Variants in CCDC39 observed in about 807,000 individuals in gnomAD.
CCDC39 encodes coiled-coil domain 39 molecular ruler complex subunit, also known as coiled-coil domain-containing protein 39.
A neutral mutation model predicts 121.0 loss-of-function variants in CCDC39; 113 were observed. The observed-to-expected ratio is 0.93, with a 90% CI of 0.80 to 1.09. The LOEUF (loss-of-function observed/expected upper bound fraction) is 1.09. Ranked by LOEUF, CCDC39 falls within the 50% of genes least tolerant of loss-of-function variation. The pLI is 0.00. For synonymous variants in CCDC39, 349 were observed against 352.2 expected, an observed-to-expected ratio of 0.99 and a Z score of 0.10; for missense variants, 1,063 against 1,074.7, an observed-to-expected ratio of 0.99 and a Z score of 0.15.
At chr3:180,670,373 C>G (rs1292907824) in intron 1 of CCDC39, among the ~76,000 whole-genome samples, 4 of 151,568 alleles carry the variant, frequency 2.6e-5, no homozygotes, top group Non-Finnish European at 5.9e-5. Context: ...TAAACAAAAG[C>G]TGACAATTTT....
chr3:180,677,203 T>C (rs188750454), intron 1 of CCDC39, among the ~76,000 whole-genome samples: 2,241 of 100,458 alleles, frequency 0.022, 135 homozygotes, highest in African/African-American at 0.059. Flanking sequence ...TATATATATA[T>C]ATATATATAT....
intron 19 of CCDC39, 79 bp downstream of exon 19, chr3:180,616,202 C>T (rs1220990602): frequency 7.0e-5 from 83 of 1,190,768 alleles, no homozygotes; most frequent in Admixed American, 1.3e-4. Context: ...CTAACAGCTG[C>T]GGTGATGTAG....
intron 14 of CCDC39, among the ~76,000 whole-genome samples, chr3:180,621,535 T>G (rs183774149): frequency 6.6e-6 from 1 of 152,236 alleles, no homozygotes; most frequent in Non-Finnish European, 1.5e-5. Flanking sequence ...CATTTGTTTG[T>G]CTTCTTTTGA....
chr3:180,678,798 T>G (rs1244415234), intron 1 of CCDC39, among the ~76,000 whole-genome samples: 1 of 152,220 alleles, frequency 6.6e-6, no homozygotes, highest in Non-Finnish European at 1.5e-5. Context: ...CTTACCGGGC[T>G]GTTCCTCTTG....
chr3:180,673,485 T>A (rs1712105390), intron 1 of CCDC39, among the ~76,000 whole-genome samples: 1 of 152,118 alleles, frequency 6.6e-6, no homozygotes, highest in African/African-American at 2.4e-5. Context: ...TTGTTAGTAT[T>A]TTTTTTAACA....
chr3:180,665,971 A>G (rs1711863128), intron 1 of CCDC39, among the ~76,000 whole-genome samples: 1 of 152,196 alleles, frequency 6.6e-6, no homozygotes, highest in African/African-American at 2.4e-5. Context: ...GGCAAAATAT[A>G]CAACATAAAA....
intron 1 of CCDC39, among the ~76,000 whole-genome samples, chr3:180,672,100 C>T (rs531220833): frequency 6.6e-6 from 1 of 152,190 alleles, no homozygotes; most frequent in Non-Finnish European, 1.5e-5. Flanking sequence ...GGGGCTAATG[C>T]AGCCGGTGAC....
In CCDC39 at chr3:180,661,986, G is replaced by A. The variant is rs878855281; in HGVS notation, c.232C>T (p.Arg78Cys). The change falls in exon 3 of 20, where the codon CGT (arginine) becomes TGT (cysteine). Residue 78 changes from arginine to cysteine, a missense_variant. By Grantham distance (180) the Arg-to-Cys change is radical (BLOSUM62 -3). Transcript: ENST00000476379. The stretch of plus-strand genomic sequence containing the variant: ...AAATGTTCTTCACTTTCAGTCTCAC[G>A]CTCCCTTGCTTTGCAAAGAGACTAC... ...ITQSLCKARERETESEEHFKA... is the reference protein window; with the variant it reads ...ITQSLCKARECETESEEHFKA... 1.4e-5 allele frequency: 22 copies of A among 1,552,102 alleles called. No individual in the cohort carries two copies. Among genetic ancestry groups the A allele is most frequent in the Admixed American group, 2.0e-5 (1 of 50,926 alleles).
intron 2 of CCDC39, 32 bp downstream of exon 2, chr3:180,663,835 G>T: frequency 6.2e-7 from 1 of 1,603,188 alleles, no homozygotes; most frequent in African/African-American, 1.3e-5. Context: ...ATGACTACAC[G>T]ATATAATCAA....
chr3:180,671,859 T>C (rs1031445357), intron 1 of CCDC39, among the ~76,000 whole-genome samples: 24 of 152,200 alleles, frequency 1.6e-4, no homozygotes, highest in Middle Eastern at 3.2e-3. Flanking sequence ...AGAAACCATC[T>C]CCACAACACA....
At chr3:180,656,909 C>A (rs1711592673) in intron 6 of CCDC39, among the ~76,000 whole-genome samples, 1 of 152,220 alleles carries the variant, frequency 6.6e-6, no homozygotes, top group Non-Finnish European at 1.5e-5. Flanking sequence ...CATGAATAAT[C>A]TACCCCTTGT....
intron 7 of CCDC39, among the ~76,000 whole-genome samples, chr3:180,652,761 A>T (rs1711509309): frequency 6.6e-6 from 1 of 152,136 alleles, no homozygotes; most frequent in East Asian, 1.9e-4. Flanking sequence ...GGACCTTTGC[A>T]AAAACCCTAA....
intron 1 of CCDC39, among the ~76,000 whole-genome samples, chr3:180,668,590 G>T (rs1711951110): frequency 6.6e-6 from 1 of 152,086 alleles, no homozygotes; most frequent in South Asian, 2.1e-4. Context: ...TTTCTCTCAT[G>T]GCAACCTTTT....
intron 1 of CCDC39, among the ~76,000 whole-genome samples, chr3:180,675,123 G>A (rs906358711): frequency 6.6e-6 from 1 of 152,018 alleles, no homozygotes; most frequent in Admixed American, 6.6e-5. Context: ...ACTTTTTTTG[G>A]TTGGTAAGCT....
chr3:180,647,939 A>C (rs1718110662), intron 10 of CCDC39, among the ~76,000 whole-genome samples: 1 of 152,006 alleles, frequency 6.6e-6, no homozygotes, highest in Admixed American at 6.6e-5. Flanking sequence ...GTTCTCCCTC[A>C]CTAGAGTTCT....
intron 7 of CCDC39, 100 bp downstream of exon 7, chr3:180,654,662 A>T: frequency 4.7e-6 from 3 of 641,588 alleles, no homozygotes; most frequent in Non-Finnish European, 7.1e-6. Context: ...AAAAAAAACT[A>T]GAAGTAGTTT....
chr3:180,679,486 T>C lies in CCDC39; in HGVS notation c.-106A>G. 1 of 1,076,896 alleles carries C rather than the reference T, an allele frequency of 9.3e-7. No individual in the cohort carries two copies. Among genetic ancestry groups the C allele is most frequent in the Non-Finnish European group, 1.4e-6 (1 of 691,126 alleles). 66.7% of individuals were successfully genotyped at this position (1,076,896 alleles called of 1,614,324 possible). On this transcript the variant is annotated 5_prime_UTR_variant, in exon 1 of 20. Transcript: ENST00000476379. The surrounding 1 kb of genome is among the most constrained non-coding windows in gnomAD (Gnocchi z 4.0). The stretch of plus-strand genomic sequence containing the variant: ...GGCACCTGCACAGTGCCGCGGCAAT[T>C]GCCGGGGGAGCCCTAGCAACCTTCC...
At chr3:180,627,743 A>C (rs1208147152) in intron 14 of CCDC39, among the ~76,000 whole-genome samples, 1 of 152,208 alleles carries the variant, frequency 6.6e-6, no homozygotes, top group East Asian at 1.9e-4. Context: ...GAGTTGATGA[A>C]AAAGCCATGT....
At chr3:180,640,080 G>T (rs1717919903) in intron 13 of CCDC39, among the ~76,000 whole-genome samples, 1 of 152,012 alleles carries the variant, frequency 6.6e-6, no homozygotes, top group Non-Finnish European at 1.5e-5. Flanking sequence ...AGGACCGAAG[G>T]GAGGAATTAC....
Sources: gnomAD v4.1 joint callset for allele counts (sites outside exome capture counted in the v4.1 genomes callset) on GRCh38, gnomAD v4.1.1 for gene constraint, Gnocchi (gnomAD v3.1) non-coding constraint, MANE v1.5 for transcripts, NCBI Gene and HGNC (gene_info 2026-07-23, HGNC 2026-07-21) for gene names.